Variants in SAXO1 observed in about 807,000 individuals in gnomAD.
The protein encoded by SAXO1 is 4930500O09Rik.
Under a neutral mutation model 17.5 loss-of-function variants are expected in SAXO1, and 21 were observed. The observed-to-expected ratio is 1.20, with a 90% CI of 0.85 to 1.72. The LOEUF (loss-of-function observed/expected upper bound fraction) is 1.72, where lower values mean the gene tolerates loss of function less well. Ranked by LOEUF, SAXO1 falls within the 40% of genes most tolerant of loss-of-function variation. The pLI is 0.00. For missense variants in SAXO1, 843 were observed against 596.0 expected, an observed-to-expected ratio of 1.41 and a Z score of -4.32; for synonymous variants, 274 against 216.5, an observed-to-expected ratio of 1.27 and a Z score of -2.33.
chr9:18,979,992 G>C (rs1391309197), intron 1 of SAXO1, among the ~76,000 whole-genome samples: 1 of 152,236 alleles, frequency 6.6e-6, no homozygotes, highest in African/African-American at 2.4e-5. Context: ...CTGGGCAAGT[G>C]AAAGGAAGGG....
intron 3 of SAXO1, among the ~76,000 whole-genome samples, chr9:18,929,939 T>C (rs918313316): frequency 6.6e-6 from 1 of 152,230 alleles, no homozygotes; most frequent in African/African-American, 2.4e-5. Flanking sequence ...ATACATGATC[T>C]TGTTTCATCT....
chr9:18,970,463 T>A (rs527321300), intron 1 of SAXO1, among the ~76,000 whole-genome samples: 10 of 152,182 alleles, frequency 6.6e-5, no homozygotes, highest in African/African-American at 2.2e-4. Flanking sequence ...AAGCAGTTCA[T>A]AAAAGACTCC....
chr9:18,957,255 G>A (rs900180106), intron 1 of SAXO1, among the ~76,000 whole-genome samples: 18 of 152,138 alleles, frequency 1.2e-4, no homozygotes, highest in African/African-American at 4.1e-4. Flanking sequence ...AACTTTCTTT[G>A]CTGCTTAAAC....
intron 1 of SAXO1, among the ~76,000 whole-genome samples, chr9:19,001,629 G>C (rs186118617): frequency 1.3e-5 from 2 of 149,676 alleles, no homozygotes; most frequent in Admixed American, 6.7e-5. Flanking sequence ...ATCGCGCATT[G>C]CACTCTAGCC....
intron 3 of SAXO1, among the ~76,000 whole-genome samples, chr9:18,941,372 A>T (rs1242770271): frequency 1.3e-5 from 2 of 152,190 alleles, no homozygotes; most frequent in African/African-American, 4.8e-5. Flanking sequence ...TTCCAATAAA[A>T]CATGAACACT....
chr9:19,016,881 T>C, intron 1 of SAXO1, among the ~76,000 whole-genome samples: 1 of 150,392 alleles, frequency 6.6e-6, no homozygotes, highest in Admixed American at 6.7e-5. Context: ...ATTCATCTTG[T>C]GGAAGGCAGT....
At chr9:18,998,006 G>A (rs7028858) in intron 1 of SAXO1, among the ~76,000 whole-genome samples, 78,952 of 152,026 alleles carry the variant, frequency 0.52, 21,790 homozygotes, top group Non-Finnish European at 0.63. Flanking sequence ...CTCTAACATG[G>A]AGAGAAACCA....
intron 1 of SAXO1, among the ~76,000 whole-genome samples, chr9:19,022,706 C>A (rs141641486): frequency 4.3e-4 from 66 of 152,238 alleles, no homozygotes; most frequent in African/African-American, 1.5e-3. Flanking sequence ...AATTTGTTAA[C>A]ATTAGAATGA....
At chr9:18,980,542 G>GAGGC (rs1363342117) in intron 1 of SAXO1, among the ~76,000 whole-genome samples, 2 of 136,988 alleles carry the variant, frequency 1.5e-5, no homozygotes, top group South Asian at 5.3e-4. Flanking sequence ...GGGAGGGAGG[G>GAGGC]AGGGAGGGAA....
At chr9:19,019,702 C>A (rs972134494) in intron 1 of SAXO1, among the ~76,000 whole-genome samples, 2 of 152,044 alleles carry the variant, frequency 1.3e-5, no homozygotes, top group African/African-American at 4.8e-5. Context: ...TGCACCCCAG[C>A]CTCGGCGACA....
rs111856707 is a variant in SAXO1, at chr9:18,929,274, A to G, written c.422-219T>C. Reference sequence around the variant, plus strand: ...AGACAAATCTACAGGAGCTCTCATCACACCCCACAATACTGCATGCAGGGA... The same window carrying G: ...AGACAAATCTACAGGAGCTCTCATCGCACCCCACAATACTGCATGCAGGGA... On this transcript the variant is annotated intron_variant, in intron 3 of 3. Transcript: ENST00000380534. 5.2e-3 allele frequency among the ~76,000 whole-genome samples: 789 copies of G among 152,270 alleles called. 2 individuals are homozygous for G. The highest frequency in any genetic ancestry group is 9.0e-3 in the Non-Finnish European group (610 of 68,018).
intron 1 of SAXO1, among the ~76,000 whole-genome samples, chr9:18,988,062 A>G (rs940538434): frequency 6.6e-6 from 1 of 152,204 alleles, no homozygotes; most frequent in African/African-American, 2.4e-5. Context: ...AGATCCCTGA[A>G]ATAATTTTAC....
intron 3 of SAXO1, among the ~76,000 whole-genome samples, chr9:18,938,825 T>TGC (rs1563929689): frequency 1.2e-4 from 9 of 77,750 alleles, no homozygotes; most frequent in African/African-American, 3.2e-4. Context: ...TGCGTGCGTG[T>TGC]GTGTGTGTGT....
chr9:18,970,924 G>C (rs1410241210), intron 1 of SAXO1, among the ~76,000 whole-genome samples: 1 of 152,092 alleles, frequency 6.6e-6, no homozygotes, highest in Non-Finnish European at 1.5e-5. Flanking sequence ...TCCGTGTCAG[G>C]TTTTCAGTGC....
chr9:19,015,520 A>C (rs988677553), intron 1 of SAXO1, among the ~76,000 whole-genome samples: 2 of 151,696 alleles, frequency 1.3e-5, no homozygotes, highest in Non-Finnish European at 2.9e-5. Flanking sequence ...ATTTTTGTAT[A>C]TTTAGTAGAG....
intron 3 of SAXO1, among the ~76,000 whole-genome samples, chr9:18,933,829 G>A (rs549959193): frequency 6.6e-5 from 10 of 152,256 alleles, no homozygotes; most frequent in East Asian, 5.8e-4. Context: ...GGCTGATCAC[G>A]AGGTCAGGAG....
chr9:19,027,902 CAG>C, intron 1 of SAXO1: 1 of 1,368,836 alleles, frequency 7.3e-7, no homozygotes, highest in Non-Finnish European at 1.0e-6. Context: ...GTGCCTGGGC[CAG>C]AATCATGCAG....
At chr9:19,003,417 A>C (rs1170588168) in intron 1 of SAXO1, among the ~76,000 whole-genome samples, 3 of 152,352 alleles carry the variant, frequency 2.0e-5, no homozygotes, top group Admixed American at 1.3e-4. Flanking sequence ...TGGAACCAAA[A>C]AAGAGCCCAC....
intron 3 of SAXO1, among the ~76,000 whole-genome samples, chr9:18,938,805 G>GGTGCATGC (rs1428810016): frequency 7.1e-6 from 1 of 140,604 alleles, no homozygotes; most frequent in South Asian, 2.3e-4. Context: ...GGTGTGGTGG[G>GGTGCATGC]GTGCATGCGT....
Sources: gnomAD v4.1 joint callset for allele counts (sites outside exome capture counted in the v4.1 genomes callset) on GRCh38, gnomAD v4.1.1 for gene constraint, MANE v1.5 for transcripts, NCBI Gene and HGNC (gene_info 2026-07-23, HGNC 2026-07-21) for gene names.